Variants in PNLIPRP1 observed in about 807,000 individuals in gnomAD.
The protein encoded by PNLIPRP1 is inactive pancreatic lipase-related protein 1.
PNLIPRP1 carries 57 observed loss-of-function variants against 54.6 expected under a neutral mutation model. The ratio of observed to expected loss-of-function variants is 1.04; its 90% CI spans 0.84 to 1.30. The LOEUF is 1.30. PNLIPRP1 is among the 50% of genes most tolerant of loss of function. The pLI is 0.00. For synonymous variants in PNLIPRP1, 232 were observed against 208.8 expected (o/e 1.11, Z -0.96); for missense variants, 567 against 568.5 (o/e 1.00, Z 0.03).
At position 116,607,513 on chromosome 10, in the gene PNLIPRP1, G is replaced by A. The variant is rs181296971; in HGVS notation, c.1341-1540G>A. 1.3e-3 allele frequency among the ~76,000 whole-genome samples: 195 copies of A among 152,282 alleles called. 1 individual carries two copies. Among genetic ancestry groups the A allele is most frequent in the African/African-American group, 4.5e-3 (186 of 41,576 alleles). On this transcript the variant is annotated intron_variant, in intron 12 of 12. Coordinates refer to ENST00000358834, the MANE Select transcript of PNLIPRP1 (RefSeq NM_006229.4). Reference sequence around the variant, plus strand: ...GGCAGCTCTCAGGATGAGGCAGGGAGTAGGAGGGAGGAAGGGCACAGGGGC... The same window carrying A: ...GGCAGCTCTCAGGATGAGGCAGGGAATAGGAGGGAGGAAGGGCACAGGGGC...
chr10:116,595,042 A>C (rs782625396), intron 5 of PNLIPRP1, 178 bp downstream of exon 5: 4 of 682,356 alleles, frequency 5.9e-6, no homozygotes, highest in Non-Finnish European at 9.5e-6. Flanking sequence ...AAAAATAAGA[A>C]TCGCTAACAC....
intron 8 of PNLIPRP1, among the ~76,000 whole-genome samples, chr10:116,599,348 G>A (rs1490742560): frequency 1.3e-5 from 2 of 151,184 alleles, no homozygotes; most frequent in East Asian, 3.9e-4. Context: ...GCCTCATGAG[G>A]GTTTGCGTGC....
At position 116,597,892 on chromosome 10, in the gene PNLIPRP1, T is replaced by A. The variant is rs1554864160; in HGVS notation, c.639T>A (p.Asp213Glu). The change falls in exon 7 of 13, where the codon GAT (aspartate) becomes GAA (glutamate). Residue 213 changes from aspartate (D) to glutamate (E), a missense_variant. Transcript: ENST00000358834. Reference protein sequence around the residue: ...TPEEVRLDPSDADFVDVIHTD... With the variant: ...TPEEVRLDPSEADFVDVIHTD... ...AAGAGGTGCGACTTGATCCCTCTGA[T>A]GCTGACTTTGTTGATGTGATTCACA... is the stretch of plus-strand genomic sequence containing the variant. 1 of 1,614,130 alleles carries A rather than the reference T, an allele frequency of 6.2e-7. No homozygotes were observed. The highest frequency in any genetic ancestry group is 1.3e-5 in the African/African-American group (1 of 74,946).
At chr10:116,598,194 AG>A (rs1365252564) in intron 8 of PNLIPRP1, 28 bp downstream of exon 8, 1 of 1,602,336 alleles carries the variant, frequency 6.2e-7, no homozygotes, top group Non-Finnish European at 8.5e-7. Flanking sequence ...TGAGGGGAGC[AG>A]GGCGGGTACT....
In PNLIPRP1 at chr10:116,591,701, C is replaced by T. The variant is rs532328400; in HGVS notation, c.50-70C>T. On this transcript the variant is annotated intron_variant, in intron 2 of 12. Coordinates refer to ENST00000358834, the MANE Select transcript of PNLIPRP1 (RefSeq NM_006229.4). ...CCCTGAATAGAAGAGTGACCAGGCC[C>T]GAACAGCAGTGACACCCCAGAGCAC... 2.1e-4 allele frequency: 324 copies of T among 1,510,500 alleles called. 9 individuals carry two copies. The South Asian group carries it at 3.5e-3, about 16-fold the overall frequency. The allele number at this position is 1,510,500 out of a possible 1,614,324, so 93.6% of individuals were successfully genotyped here. A position where few individuals can be genotyped will look rare whatever the true frequency, so the allele number is the denominator to read the frequency against.
chr10:116,597,410 G>C (rs140202558), intron 6 of PNLIPRP1, among the ~76,000 whole-genome samples: 1 of 152,106 alleles, frequency 6.6e-6, no homozygotes, highest in Non-Finnish European at 1.5e-5. Context: ...TGCCCCAAAA[G>C]CAGCTGAGTA....
In PNLIPRP1 at chr10:116,596,331, C is replaced by G. The variant is rs1554863965; in HGVS notation, c.574+9C>G. On this transcript the variant is annotated intron_variant, in intron 6 of 12. Transcript: ENST00000358834. ...CCTGAGCAGGATTACAGGTAAGGCCCCAGAGGCAGGGCCCCAGTTTTGTCC... is the reference window on the plus strand; with the variant it reads ...CCTGAGCAGGATTACAGGTAAGGCCGCAGAGGCAGGGCCCCAGTTTTGTCC... 5 of 1,555,466 alleles carry G rather than the reference C, an allele frequency of 3.2e-6. No homozygotes were observed. Among genetic ancestry groups the G allele is most frequent in the Non-Finnish European group, 4.4e-6 (5 of 1,128,924 alleles).
intron 3 of PNLIPRP1, 158 bp downstream of exon 3, chr10:116,592,083 T>A: frequency 1.4e-6 from 1 of 727,248 alleles, no homozygotes; most frequent in Non-Finnish European, 2.2e-6. Context: ...ACAGAGCAGG[T>A]CTTTAGTAAT....
Position 116,591,752 on chromosome 10 carries a change from A to T in PNLIPRP1, c.50-19A>T, listed in dbSNP as rs1185783321. ...ACCTTGAGAGCAAATCCTTGAGCAG[A>T]TTCAACCTTTCTCTGTAGGAAAAGA... On this transcript the variant is annotated intron_variant, in intron 2 of 12. Transcript: ENST00000358834. The T allele has an allele frequency of 6.2e-7, 1 of 1,613,570 alleles. No homozygotes were observed. Among genetic ancestry groups the T allele is most frequent in the African/African-American group, 1.3e-5 (1 of 74,922 alleles).
intron 8 of PNLIPRP1, among the ~76,000 whole-genome samples, chr10:116,598,758 AG>A (rs1847779362): frequency 1.3e-5 from 2 of 152,198 alleles, no homozygotes; most frequent in South Asian, 4.1e-4. Context: ...TTGGGAAGAA[AG>A]GGCATCCTGC....
At chr10:116,605,874 G>C (rs374673040) in intron 12 of PNLIPRP1, among the ~76,000 whole-genome samples, 6 of 152,226 alleles carry the variant, frequency 3.9e-5, no homozygotes, top group African/African-American at 1.4e-4. Context: ...CTAGTGAATA[G>C]CTATACTTGA....
chr10:116,592,161 G>A (rs1554863297), intron 3 of PNLIPRP1: 3 of 630,174 alleles, frequency 4.8e-6, no homozygotes, highest in African/African-American at 1.8e-5. Flanking sequence ...TCTGGTCTGG[G>A]GCAAACAGCT....
chr10:116,604,565 T>C (rs1003267175), intron 11 of PNLIPRP1, among the ~76,000 whole-genome samples: 1 of 152,084 alleles, frequency 6.6e-6, no homozygotes, highest in Non-Finnish European at 1.5e-5. Flanking sequence ...TCAGAACATA[T>C]CTCCATTGTT....
At chr10:116,594,566 C>A in intron 4 of PNLIPRP1, 164 bp from the exon 5 acceptor site, 2 of 739,470 alleles carry the variant, frequency 2.7e-6, no homozygotes, top group South Asian at 1.7e-5. Flanking sequence ...ATAGCATTCA[C>A]CCTGAAGGAT....
intron 6 of PNLIPRP1, among the ~76,000 whole-genome samples, chr10:116,597,159 C>T (rs566684694): frequency 2.6e-4 from 39 of 152,218 alleles, no homozygotes; most frequent in African/African-American, 9.1e-4. Flanking sequence ...TGTAATGAAG[C>T]CTTCAAAAAC....
At chr10:116,602,841 GTGTA>G (rs1172311426) in intron 10 of PNLIPRP1, among the ~76,000 whole-genome samples, 1 of 152,222 alleles carries the variant, frequency 6.6e-6, no homozygotes. Flanking sequence ...GTATGTGCAT[GTGTA>G]TGTATATTTG....
At chr10:116,597,008 C>T (rs537454912) in intron 6 of PNLIPRP1, among the ~76,000 whole-genome samples, 3 of 152,150 alleles carry the variant, frequency 2.0e-5, no homozygotes, top group African/African-American at 7.2e-5. Context: ...AATAACTTGC[C>T]CAAAGCCACA....
At chr10:116,607,895 C>T (rs1847962565) in intron 12 of PNLIPRP1, among the ~76,000 whole-genome samples, 1 of 152,172 alleles carries the variant, frequency 6.6e-6, no homozygotes, top group African/African-American at 2.4e-5. Flanking sequence ...CGCTCTGTTG[C>T]CCAGGCTAGA....
At chr10:116,597,969 C>G (rs782203220) in intron 7 of PNLIPRP1, 22 bp downstream of exon 7, 1 of 1,614,044 alleles carries the variant, frequency 6.2e-7, no homozygotes, top group Non-Finnish European at 8.5e-7. Flanking sequence ...GATGCTCCAG[C>G]TGTGAGCACG....
Sources: allele counts gnomAD v4.1 joint callset (sites outside exome capture counted in the v4.1 genomes callset), GRCh38; gene constraint gnomAD v4.1.1; transcripts MANE v1.5; gene names NCBI Gene and HGNC (gene_info 2026-07-23, HGNC 2026-07-21).